The following STAT1 variants were observed in gnomAD, a reference collection of about 807,000 sequenced individuals.
The protein encoded by STAT1 is signal transducer and activator of transcription 1-alpha/beta.
In STAT1, 24 loss-of-function variants were observed where a neutral mutation model predicts 111.7. That is an observed-to-expected ratio of 0.21 (90% CI 0.16 to 0.30). The LOEUF is 0.30. Ranked by LOEUF, STAT1 falls within the 10% of genes least tolerant of loss-of-function variation. The pLI is 1.00. For synonymous variants in STAT1, 332 were observed against 326.5 expected (o/e 1.02, Z -0.18); for missense variants, 351 against 911.9 (o/e 0.38, Z 7.92).
intron 15 of STAT1, 41 bp downstream of exon 15, chr2:190,985,578 T>G: frequency 6.2e-7 from 1 of 1,612,682 alleles, no homozygotes; most frequent in Admixed American, 1.7e-5. Context: ...TAGACAGACC[T>G]GCCTGATTTG....
chr2:190,992,732 T>A, intron 10 of STAT1: 1 of 1,057,730 alleles, frequency 9.5e-7, no homozygotes. Flanking sequence ...CAGGACCCAT[T>A]AGCTTCTTAA....
chr2:190,988,944 G>T (rs1455875394), intron 12 of STAT1, among the ~76,000 whole-genome samples: 2 of 152,032 alleles, frequency 1.3e-5, no homozygotes, highest in Non-Finnish European at 2.9e-5. Flanking sequence ...TAATGAGAGT[G>T]GCCAAGTTAG....
rs930136776 is a variant in STAT1 at position 190,986,164 on chromosome 2, A to G, written c.1222-504T>C. On this transcript the variant is annotated intron_variant, in intron 14 of 24. Transcript: ENST00000361099. The surrounding 1 kb of genome is among the most constrained non-coding windows in gnomAD (Gnocchi z 5.0). ...CTGAGTTGGGCTAAGCTTTCGAGTT[A>G]GGTAGAGCTTCCTAGCTACGAGGCT... 6.6e-6 allele frequency among the ~76,000 whole-genome samples: 1 copy of G among 152,238 alleles called. No individual in the cohort carries two copies. Among genetic ancestry groups the G allele is most frequent in the Non-Finnish European group, 1.5e-5 (1 of 68,044 alleles).
chr2:190,986,767 A>G lies in STAT1; in HGVS notation c.1221+87T>C, dbSNP rs930512620. The G allele has an allele frequency of 1.5e-6, 2 of 1,303,120 alleles. No individual in the cohort carries two copies. Among genetic ancestry groups the G allele is most frequent in the Non-Finnish European group, 2.2e-6 (2 of 897,746 alleles). 80.7% of individuals were successfully genotyped at this position (1,303,120 alleles called of 1,614,324 possible). A position where few individuals can be genotyped will look rare whatever the true frequency, so the allele number is the denominator to read the frequency against. On this transcript the variant is annotated intron_variant, in intron 14 of 24. Transcript: ENST00000361099. This position sits in a 1 kb window ranked among gnomAD's most constrained non-coding sequence, Gnocchi z 5.0. ...AAACCCCAGCAGGGGGGCGTCCTCC[A>G]CATGGCAATGTGCCAAAAAGGGCTG... is the stretch of plus-strand genomic sequence containing the variant.
Position 190,989,444 on chromosome 2 carries a change from A to T in STAT1, c.1097+171T>A, listed in dbSNP as rs932220153. 1.3e-5 allele frequency among the ~76,000 whole-genome samples: 2 copies of T among 152,206 alleles called. No homozygotes were observed. Among genetic ancestry groups the T allele is most frequent in the African/African-American group, 4.8e-5 (2 of 41,456 alleles). On this transcript the variant is annotated intron_variant, in intron 12 of 24. Coordinates refer to ENST00000361099, the MANE Select transcript of STAT1 (RefSeq NM_007315.4). The surrounding 1 kb of genome is among the most constrained non-coding windows in gnomAD (Gnocchi z 5.0). Reference sequence around the variant, plus strand: ...CTAGAAGTCTCTGCTCATGCGCAGCATTGTCAGGACTCTGGGTTCAGCCCT... The same window carrying T: ...CTAGAAGTCTCTGCTCATGCGCAGCTTTGTCAGGACTCTGGGTTCAGCCCT...
chr2:190,982,775 C>T lies in STAT1; in HGVS notation c.1447-257G>A, dbSNP rs1010885103. 2.6e-5 allele frequency among the ~76,000 whole-genome samples: 4 copies of T among 152,286 alleles called. No individual in the cohort carries two copies. The East Asian group carries it at 7.7e-4, about 29-fold the overall frequency. ...CTTTGGGGTCATTTGAAGACACACCCGTGCACACACAGCAGCACACAGCAG... is the reference window on the plus strand; with the variant it reads ...CTTTGGGGTCATTTGAAGACACACCTGTGCACACACAGCAGCACACAGCAG... On this transcript the variant is annotated intron_variant, in intron 17 of 24. Transcript: ENST00000361099. This position sits in a 1 kb window ranked among gnomAD's most constrained non-coding sequence, Gnocchi z 7.3.
In STAT1 at chr2:190,999,733, T is replaced by C. The variant is rs1187488159; in HGVS notation, c.463-29A>G. The C allele has an allele frequency of 3.9e-6, 6 of 1,533,746 alleles. No individual in the cohort carries two copies. In the Admixed American group the frequency reaches 8.4e-5, roughly 21 times the overall value. On this transcript the variant is annotated intron_variant, in intron 6 of 24. Transcript: ENST00000361099. The surrounding 1 kb of genome is among the most constrained non-coding windows in gnomAD (Gnocchi z 4.1). ...CAAACAAAGATGTAAACATGTTTTCTACTGATCAGCAACTTCCAAAGACTT... is the reference window on the plus strand; with the variant it reads ...CAAACAAAGATGTAAACATGTTTTCCACTGATCAGCAACTTCCAAAGACTT...
At position 190,978,817 on chromosome 2, in the gene STAT1, CAT is replaced by C. The variant is rs778428911; in HGVS notation, c.1873+37_1873+38del. 2.6e-4 allele frequency: 423 copies of C among 1,611,542 alleles called. 2 individuals are homozygous for C. The highest frequency in any genetic ancestry group is 1.8e-4 in the Middle Eastern group (1 of 5,482). ...CGGCGATGAAGAGGGACTTCACACA[CAT>C]GGAATGGTGGGACTATGTGCTCAAA... On this transcript the variant is annotated intron_variant, in intron 21 of 24. Coordinates refer to ENST00000361099, the MANE Select transcript of STAT1 (RefSeq NM_007315.4). This position sits in a 1 kb window ranked among gnomAD's most constrained non-coding sequence, Gnocchi z 6.1.
At position 190,996,045 on chromosome 2, in the gene STAT1, C is replaced by T. The variant is rs1027938587; in HGVS notation, c.786-826G>A. Among the ~76,000 whole-genome samples, 41 of 152,044 alleles carry T rather than the reference C, an allele frequency of 2.7e-4. No homozygotes were observed. Among genetic ancestry groups the T allele is most frequent in the Admixed American group, 2.4e-3 (37 of 15,284 alleles). On this transcript the variant is annotated intron_variant, in intron 9 of 24. Transcript: ENST00000361099. This position sits in a 1 kb window ranked among gnomAD's most constrained non-coding sequence, Gnocchi z 4.5. ...CAGTCAGAGATGTGGGGCAGAGGGG[C>T]AGGAGGAGAGACAGAGATGGGAGAC...
In STAT1 at chr2:190,993,531, T is replaced by C. The variant is rs1410379392; in HGVS notation, c.944+1530A>G. The C allele has an allele frequency of 1.4e-6, 1 of 702,410 alleles. No individual in the cohort carries two copies. The highest frequency in any genetic ancestry group is 2.6e-6 in the Non-Finnish European group (1 of 388,114). 43.5% of individuals were successfully genotyped at this position (702,410 alleles called of 1,614,324 possible). On this transcript the variant is annotated intron_variant, in intron 10 of 24. Coordinates refer to ENST00000361099, the MANE Select transcript of STAT1 (RefSeq NM_007315.4). The surrounding 1 kb of genome is among the most constrained non-coding windows in gnomAD (Gnocchi z 4.1). ...CCCAGAGTCGCCAATCAGAAGTAAT[T>C]TGAATAAATAATCAATTTGGGATTC...
Position 190,986,923 on chromosome 2 carries a change from G to A in STAT1, c.1152C>T (p.Gly384=), listed in dbSNP as rs2125035095. 6.2e-7 allele frequency: 1 copy of A among 1,614,182 alleles called. No individual in the cohort carries two copies. Among genetic ancestry groups the A allele is most frequent in the Non-Finnish European group, 8.5e-7 (1 of 1,180,030 alleles). ...VKGFRKFNIL[G]THTKVMNMEE... ...CCATGTTCATCACTTTTGTGTGCGTGCCCAAAATGTTGAACTTCCTAAATC... is the reference window on the plus strand; with the variant it reads ...CCATGTTCATCACTTTTGTGTGCGTACCCAAAATGTTGAACTTCCTAAATC... Residue 384 remains glycine (G), a synonymous_variant, in exon 14 of 25, where the codon GGC becomes GGT. Coordinates refer to ENST00000361099, the MANE Select transcript of STAT1 (RefSeq NM_007315.4). The surrounding 1 kb of genome is among the most constrained non-coding windows in gnomAD (Gnocchi z 5.0).
chr2:190,985,352 C>T (rs1036326408), intron 15 of STAT1, among the ~76,000 whole-genome samples: 2 of 152,172 alleles, frequency 1.3e-5, no homozygotes, highest in East Asian at 1.9e-4. Flanking sequence ...CCGTAAGATG[C>T]GAAGAATACA....
In STAT1 at chr2:190,983,877, G is replaced by T. The variant is rs189891367; in HGVS notation, c.1348-137C>A. The T allele has an allele frequency of 1.1e-4, 82 of 771,132 alleles. No individual in the cohort carries two copies. In the African/African-American group the frequency reaches 1.3e-3, roughly 12 times the overall value. 47.8% of individuals were successfully genotyped at this position (771,132 alleles called of 1,614,324 possible). A position where few individuals can be genotyped will look rare whatever the true frequency, so the allele number is the denominator to read the frequency against. The stretch of plus-strand genomic sequence containing the variant: ...AATACTTGAAAATGAGAAGTGTTAA[G>T]TTCTGTTCTTCTGTCCAGTTTAACT... On this transcript the variant is annotated intron_variant, in intron 16 of 24. Transcript: ENST00000361099. This position sits in a 1 kb window ranked among gnomAD's most constrained non-coding sequence, Gnocchi z 5.7.
rs41411249 is a variant in STAT1, at chr2:190,994,620, T to C, written c.944+441A>G. On this transcript the variant is annotated intron_variant, in intron 10 of 24. Transcript: ENST00000361099. ...TAACCAAATAATTCAGGAAGAGTCA[T>C]TGTCATTAAAAAATTTGAGGCCAGG... 8.2e-3 allele frequency among the ~76,000 whole-genome samples: 1,250 copies of C among 151,942 alleles called. 17 individuals carry two copies. The highest frequency in any genetic ancestry group is 0.028 in the African/African-American group (1,174 of 41,446).
intron 5 of STAT1, among the ~76,000 whole-genome samples, chr2:191,001,390 G>C (rs1694259743): frequency 6.6e-6 from 1 of 152,188 alleles, no homozygotes; most frequent in African/African-American, 2.4e-5. Context: ...AAAATAAACA[G>C]TATTTCTGGG....
chr2:190,994,925 AAAATATATATATATATATATATAT>A lies in STAT1; in HGVS notation c.944+112_944+135del, dbSNP rs1559016977. ...GTGAGACTCTATCTCAAAAAAAAAAAAAATATATATATATATATATATATATATATATAAAAAACACCTATTAAA... is the reference window on the plus strand; with the variant it reads ...GTGAGACTCTATCTCAAAAAAAAAAAATATATATAAAAAACACCTATTAAA... On this transcript the variant is annotated intron_variant, in intron 10 of 24. Coordinates refer to ENST00000361099, the MANE Select transcript of STAT1 (RefSeq NM_007315.4). 4 of 99,560 alleles carry A rather than the reference AAAATATATATATATATATATATAT, an allele frequency of 4.0e-5. No homozygotes were observed. The East Asian group carries it at 9.0e-4, about 22-fold the overall frequency. 6.2% of individuals were successfully genotyped at this position (99,560 alleles called of 1,614,324 possible).
chr2:190,986,160 A>G lies in STAT1; in HGVS notation c.1222-500T>C, dbSNP rs760203149. On this transcript the variant is annotated intron_variant, in intron 14 of 24. Coordinates refer to ENST00000361099, the MANE Select transcript of STAT1 (RefSeq NM_007315.4). This position sits in a 1 kb window ranked among gnomAD's most constrained non-coding sequence, Gnocchi z 5.0. ...GCACCTGAGTTGGGCTAAGCTTTCG[A>G]GTTAGGTAGAGCTTCCTAGCTACGA... Among the ~76,000 whole-genome samples the G allele has an allele frequency of 1.3e-5, 2 of 152,132 alleles. No individual in the cohort carries two copies. The highest frequency in any genetic ancestry group is 2.9e-5 in the Non-Finnish European group (2 of 68,030).
rs1186747543 is a variant in STAT1 at position 191,007,730 on chromosome 2, T to G, written c.274-69A>C. On this transcript the variant is annotated intron_variant, in intron 4 of 24. Transcript: ENST00000361099. This position sits in a 1 kb window ranked among gnomAD's most constrained non-coding sequence, Gnocchi z 4.2. Reference sequence around the variant, plus strand: ...TGTTTACTTTATTGTGTATTGTAAGTTGATATGAATTTGTTTATATTCTCC... The same window carrying G: ...TGTTTACTTTATTGTGTATTGTAAGGTGATATGAATTTGTTTATATTCTCC... 8.7e-7 allele frequency: 1 copy of G among 1,151,184 alleles called. No individual in the cohort carries two copies. Among genetic ancestry groups the G allele is most frequent in the Non-Finnish European group, 1.3e-6 (1 of 766,474 alleles). The allele number at this position is 1,151,184 out of a possible 1,614,324, so 71.3% of individuals were successfully genotyped here.
intron 12 of STAT1, among the ~76,000 whole-genome samples, chr2:190,988,135 G>A (rs1227028117): frequency 6.6e-6 from 1 of 152,170 alleles, no homozygotes; most frequent in African/African-American, 2.4e-5. Context: ...AGGGAGTGAT[G>A]CTATAGATGT....
Sources: allele counts gnomAD v4.1 joint callset (sites outside exome capture counted in the v4.1 genomes callset), GRCh38; gene constraint gnomAD v4.1.1; non-coding constraint Gnocchi (gnomAD v3.1); transcripts MANE v1.5; gene names NCBI Gene and HGNC (gene_info 2026-07-23, HGNC 2026-07-21).